The following PCDHGC5 variants were observed in gnomAD, a reference collection of about 807,000 sequenced individuals.
PCDHGC5 encodes protocadherin gamma subfamily C, 5, also known as protocadherin gamma-C5.
Under a neutral mutation model 59.0 loss-of-function variants are expected in PCDHGC5, and 25 were observed. The observed-to-expected ratio is 0.42, with a 90% CI of 0.31 to 0.59. The LOEUF is 0.59. Among genes scored for constraint, PCDHGC5 ranks in the 20% least tolerant of loss-of-function variants. PCDHGC5 has a pLI of 0.13. For missense variants in PCDHGC5, 1,067 were observed against 1,206.4 expected, an observed-to-expected ratio of 0.88 and a Z score of 1.71; for synonymous variants, 434 against 505.5, an observed-to-expected ratio of 0.86 and a Z score of 1.90.
rs1488042504 is a variant in PCDHGC5, at chr5:141,511,552, T to C, written c.*379T>C. ...CCTCCTCCCCACCCCACTCCAACAG[T>C]TCCTCTTTCCCGAGTAAGGTGGTTG... On this transcript the variant is annotated 3_prime_UTR_variant, in exon 4 of 4. Coordinates refer to ENST00000252087, the MANE Select transcript of PCDHGC5 (RefSeq NM_018929.3). 1.3e-5 allele frequency: 4 copies of C among 304,316 alleles called. No individual in the cohort carries two copies. The highest frequency in any genetic ancestry group is 2.6e-5 in the Non-Finnish European group (4 of 156,548). The allele number at this position is 304,316 out of a possible 1,614,324, so 18.9% of individuals were successfully genotyped here.
Position 141,489,900 on chromosome 5 carries a change from A to T in PCDHGC5, c.660A>T (p.Pro220=). ...TTACTGCTGTGGATGGGGGGACCCC[A>T]GCCCGCTCAGGGACCACCCTTATCT... ...LVLTAVDGGT[P]ARSGTTLISV... The change falls in exon 1 of 4, where the codon CCA becomes CCT. Residue 220 remains proline, a synonymous_variant. Coordinates refer to ENST00000252087, the MANE Select transcript of PCDHGC5 (RefSeq NM_018929.3). This position sits in a 1 kb window ranked among gnomAD's most constrained non-coding sequence, Gnocchi z 4.5. The T allele has an allele frequency of 6.2e-7, 1 of 1,614,254 alleles. No homozygotes were observed. The highest frequency in any genetic ancestry group is 8.5e-7 in the Non-Finnish European group (1 of 1,180,044).
At chr5:141,497,020 C>T (rs138768677) in intron 2 of PCDHGC5, among the ~76,000 whole-genome samples, 8 of 152,122 alleles carry the variant, frequency 5.3e-5, no homozygotes, top group African/African-American at 1.7e-4. Flanking sequence ...GAAACCCCAT[C>T]TCGATTAAAA....
chr5:141,493,340 T>C lies in PCDHGC5; in HGVS notation c.2461-1467T>C, dbSNP rs889623993. Among the ~76,000 whole-genome samples, 1 of 152,202 alleles carries C rather than the reference T, an allele frequency of 6.6e-6. No homozygotes were observed. Among genetic ancestry groups the C allele is most frequent in the Admixed American group, 6.5e-5 (1 of 15,288 alleles). Reference sequence around the variant, plus strand: ...TTCTAACCCCTGTCTAACTCCAGAATGTGTGCTTTTAATTTCTTGGCACTT... The same window carrying C: ...TTCTAACCCCTGTCTAACTCCAGAACGTGTGCTTTTAATTTCTTGGCACTT... On this transcript the variant is annotated intron_variant, in intron 1 of 3. Coordinates refer to ENST00000252087, the MANE Select transcript of PCDHGC5 (RefSeq NM_018929.3). The surrounding 1 kb of genome is among the most constrained non-coding windows in gnomAD (Gnocchi z 4.3).
In PCDHGC5 at chr5:141,491,049, G is replaced by A. The variant is rs369146505; in HGVS notation, c.1809G>A (p.Ala603=). Reference sequence around the variant, plus strand: ...TGGATGCTGATGCAGGCCACAATGCGTGGCTCTCCTACTCACTGTTGCCAC... The same window carrying A: ...TGGATGCTGATGCAGGCCACAATGCATGGCTCTCCTACTCACTGTTGCCAC... ...TAVDADAGHN[A]WLSYSLLPQS... Residue 603 remains alanine (A), a synonymous_variant, in exon 1 of 4, where the codon GCG becomes GCA. Coordinates refer to ENST00000252087, the MANE Select transcript of PCDHGC5 (RefSeq NM_018929.3). This position sits in a 1 kb window ranked among gnomAD's most constrained non-coding sequence, Gnocchi z 6.9. The A allele has an allele frequency of 3.3e-5, 53 of 1,614,116 alleles. No individual in the cohort carries two copies. The African/African-American group carries it at 5.5e-4, about 17-fold the overall frequency.
chr5:141,502,866 CTT>C (rs549047197), intron 2 of PCDHGC5, among the ~76,000 whole-genome samples: 3 of 127,996 alleles, frequency 2.3e-5, no homozygotes, highest in Admixed American at 8.6e-5. Flanking sequence ...GACTCTCTGT[CTT>C]TTTTTTTTTT....
Position 141,511,103 on chromosome 5 carries a change from A to G in PCDHGC5, c.2765A>G (p.Lys922Arg), listed in dbSNP as rs779731716. The G allele has an allele frequency of 6.2e-7, 1 of 1,614,214 alleles. No individual in the cohort carries two copies. The highest frequency in any genetic ancestry group is 8.5e-7 in the Non-Finnish European group (1 of 1,180,026). The change falls in exon 4 of 4, where the codon AAG becomes AGG. Residue 922 changes from lysine to arginine, a missense_variant. By Grantham distance (26) the Lys-to-Arg change is conservative. Coordinates refer to ENST00000252087, the MANE Select transcript of PCDHGC5 (RefSeq NM_018929.3). ...SNATLTNAAGKRDGKAPAGGN... is the reference protein window; with the variant it reads ...SNATLTNAAGRRDGKAPAGGN... ...GCCACACTGACCAACGCAGCTGGCA[A>G]GCGGGATGGCAAGGCCCCAGCAGGT...
Position 141,491,340 on chromosome 5 carries a change from C to T in PCDHGC5, c.2100C>T (p.Thr700=), listed in dbSNP as rs772328241. The T allele has an allele frequency of 3.7e-6, 6 of 1,614,144 alleles. No individual in the cohort carries two copies. The Admixed American group carries it at 6.7e-5, about 18-fold the overall frequency. ...TTTACCTCATTGTGGCTCTAGCGAC[C>T]GTCAGTCTCTTATCCCTAGTCACCT... ...LTLYLIVALA[T]VSLLSLVTFT... is the part of the protein sequence containing the mutation. The change falls in exon 1 of 4, where the codon ACC becomes ACT. Residue 700 remains threonine, a synonymous_variant. Transcript: ENST00000252087. This position sits in a 1 kb window ranked among gnomAD's most constrained non-coding sequence, Gnocchi z 6.9.
rs1196201183 is a variant in PCDHGC5, at chr5:141,490,944, G to A, written c.1704G>A (p.Arg568=). ...NDNAPAVLHP[R]PDWEHSAPQR... ...ATGCCCCAGCTGTGCTGCACCCACG[G>A]CCAGACTGGGAACACTCAGCCCCCC... Residue 568 remains arginine (R), a synonymous_variant, in exon 1 of 4, where the codon CGG becomes CGA. Transcript: ENST00000252087. This position sits in a 1 kb window ranked among gnomAD's most constrained non-coding sequence, Gnocchi z 5.4. 6.2e-7 allele frequency: 1 copy of A among 1,613,488 alleles called. No individual in the cohort carries two copies. The highest frequency in any genetic ancestry group is 1.3e-5 in the African/African-American group (1 of 74,906).
At chr5:141,498,264 C>A (rs1272117057) in intron 2 of PCDHGC5, among the ~76,000 whole-genome samples, 2 of 152,016 alleles carry the variant, frequency 1.3e-5, no homozygotes, top group Admixed American at 1.3e-4. Context: ...GTGTTGAGTT[C>A]TTCAGTAAAC....
Position 141,490,644 on chromosome 5 carries a change from T to G in PCDHGC5, c.1404T>G (p.Pro468=), listed in dbSNP as rs772742713. 1 of 1,614,188 alleles carries G rather than the reference T, an allele frequency of 6.2e-7. No individual in the cohort carries two copies. Among genetic ancestry groups the G allele is most frequent in the Non-Finnish European group, 8.5e-7 (1 of 1,180,016 alleles). The stretch of plus-strand genomic sequence containing the variant: ...CTGCTTACATCCTAGAAAACCGGCC[T>G]CCGGGCTCCCTTCTTTGCACTGTGG... The part of the protein sequence containing the change: ...LYTAYILENR[P]PGSLLCTVAA... The change falls in exon 1 of 4, where the codon CCT becomes CCG. Residue 468 remains proline (P), a synonymous_variant. Transcript: ENST00000252087. The surrounding 1 kb of genome is among the most constrained non-coding windows in gnomAD (Gnocchi z 5.4).
At position 141,503,509 on chromosome 5, in the gene PCDHGC5, G is replaced by A. The variant is rs373282648; in HGVS notation, c.2520-1884G>A. ...AGCTGCTCAAGAGGCTGAGGCAGGA[G>A]AATCACTTGAACCTGGGAGGCAGAG... On this transcript the variant is annotated intron_variant, in intron 2 of 3. Transcript: ENST00000252087. Among the ~76,000 whole-genome samples the A allele has an allele frequency of 9.4e-5, 14 of 149,410 alleles. No individual in the cohort carries two copies. The South Asian group carries it at 1.5e-3, about 16-fold the overall frequency.
chr5:141,511,537 A>G lies in PCDHGC5; in HGVS notation c.*364A>G. 2 of 319,256 alleles carry G rather than the reference A, an allele frequency of 6.3e-6. No individual in the cohort carries two copies. Among genetic ancestry groups the G allele is most frequent in the South Asian group, 3.3e-5 (1 of 29,854 alleles). 19.8% of individuals were successfully genotyped at this position (319,256 alleles called of 1,614,324 possible). A position where few individuals can be genotyped will look rare whatever the true frequency, so the allele number is the denominator to read the frequency against. On this transcript the variant is annotated 3_prime_UTR_variant, in exon 4 of 4. Coordinates refer to ENST00000252087, the MANE Select transcript of PCDHGC5 (RefSeq NM_018929.3). ...TCCATCCCATGCCTCCCTCCTCCCC[A>G]CCCCACTCCAACAGTTCCTCTTTCC... is the stretch of plus-strand genomic sequence containing the variant.
chr5:141,502,864 G>GGCTTTTTT (rs2099816401), intron 2 of PCDHGC5, among the ~76,000 whole-genome samples: 1 of 61,572 alleles, frequency 1.6e-5, no homozygotes, highest in Non-Finnish European at 3.0e-5. Flanking sequence ...CTGACTCTCT[G>GGCTTTTTT]TCTTTTTTTT....
intron 3 of PCDHGC5, 44 bp downstream of exon 3, chr5:141,505,525 G>C: frequency 1.2e-6 from 2 of 1,612,490 alleles, no homozygotes; most frequent in Non-Finnish European, 1.7e-6. Flanking sequence ...GAGACCTGGG[G>C]TTCTGGGGTG....
chr5:141,497,187 G>T (rs1475463841), intron 2 of PCDHGC5, among the ~76,000 whole-genome samples: 2 of 139,586 alleles, frequency 1.4e-5, no homozygotes, highest in Non-Finnish European at 3.0e-5. Flanking sequence ...GTTCTGAGAG[G>T]CAGAGAACAA....
intron 2 of PCDHGC5, among the ~76,000 whole-genome samples, chr5:141,499,670 C>T (rs1477227784): frequency 6.6e-6 from 1 of 151,412 alleles, no homozygotes; most frequent in African/African-American, 2.4e-5. Flanking sequence ...TCTTGGTCTC[C>T]ACCATCTTTA....
At chr5:141,505,154 C>T (rs1443235547) in intron 2 of PCDHGC5, among the ~76,000 whole-genome samples, 2 of 152,028 alleles carry the variant, frequency 1.3e-5, no homozygotes, top group Non-Finnish European at 2.9e-5. Flanking sequence ...AGAGTAAGAC[C>T]CTGTCTAAAA....
chr5:141,497,957 A>G (rs2099780682), intron 2 of PCDHGC5, among the ~76,000 whole-genome samples: 1 of 152,242 alleles, frequency 6.6e-6, no homozygotes, highest in Non-Finnish European at 1.5e-5. Flanking sequence ...TCTGTTGGCC[A>G]GGCAGTGTTC....
chr5:141,496,377 G>A (rs1413938730), intron 2 of PCDHGC5, among the ~76,000 whole-genome samples: 1 of 152,114 alleles, frequency 6.6e-6, no homozygotes, highest in Non-Finnish European at 1.5e-5. Flanking sequence ...CAGGAGCTTG[G>A]GCCACCTTAC....
Sources: gnomAD v4.1 joint callset for allele counts (sites outside exome capture counted in the v4.1 genomes callset) on GRCh38, gnomAD v4.1.1 for gene constraint, Gnocchi (gnomAD v3.1) non-coding constraint, MANE v1.5 for transcripts, NCBI Gene and HGNC (gene_info 2026-07-23, HGNC 2026-07-21) for gene names.